TACR2: variants seen among roughly 807,000 people sequenced by gnomAD.
TACR2 encodes the protein tachykinin receptor 2.
TACR2 carries 24 observed loss-of-function variants against 28.9 expected under a neutral mutation model. That is an observed-to-expected ratio of 0.83 (90% CI 0.60 to 1.17). The LOEUF is 1.17. Ranked by LOEUF, TACR2 falls within the 50% of genes most tolerant of loss-of-function variation. TACR2 has a pLI of 0.00. For synonymous variants in TACR2, 222 were observed against 212.6 expected, an observed-to-expected ratio of 1.04 and a Z score of -0.38; for missense variants, 487 against 524.4, an observed-to-expected ratio of 0.93 and a Z score of 0.70.
At chr10:69,410,355 A>T (rs528525215) in intron 2 of TACR2, among the ~76,000 whole-genome samples, 12 of 107,126 alleles carry the variant, frequency 1.1e-4, no homozygotes, top group African/African-American at 1.7e-4. Flanking sequence ...TATCTCTATT[A>T]AAAAAAATTA....
intron 2 of TACR2, among the ~76,000 whole-genome samples, chr10:69,410,552 A>G (rs1239524161): frequency 1.4e-5 from 2 of 147,926 alleles, no homozygotes; most frequent in Non-Finnish European, 3.0e-5. Flanking sequence ...CAGTGTCCCC[A>G]GTTCTCAGAT....
At chr10:69,409,213 T>G (rs1840538564) in intron 2 of TACR2, 138 bp from the exon 3 acceptor site, 4 of 946,668 alleles carry the variant, frequency 4.2e-6, no homozygotes, top group Non-Finnish European at 5.8e-6. Context: ...AGGGACTTGG[T>G]TTGATTTAAA....
chr10:69,409,916 T>TAC (rs1274416019), intron 2 of TACR2, among the ~76,000 whole-genome samples: 1 of 31,546 alleles, frequency 3.2e-5, no homozygotes, highest in African/African-American at 1.4e-4. Context: ...TATATATATA[T>TAC]ATATATATAT....
chr10:69,409,695 C>T (rs922495500), intron 2 of TACR2, among the ~76,000 whole-genome samples: 2 of 151,428 alleles, frequency 1.3e-5, no homozygotes, highest in African/African-American at 4.9e-5. Context: ...CTTACTGTGC[C>T]TAATTTATAA....
At position 69,416,825 on chromosome 10, in the gene TACR2, C is replaced by G. The variant is rs891818600; in HGVS notation, c.-502G>C. On this transcript the variant is annotated 5_prime_UTR_variant, in exon 1 of 5. Transcript: ENST00000373306. Reference sequence around the variant, plus strand: ...CCACAGGTCAATGGCGCAGCAGCCTCTCTCCAGGCTTTGGGCTGCAAGCCG... The same window carrying G: ...CCACAGGTCAATGGCGCAGCAGCCTGTCTCCAGGCTTTGGGCTGCAAGCCG... 1 of 152,928 alleles carries G rather than the reference C, an allele frequency of 6.5e-6. No homozygotes were observed. The highest frequency in any genetic ancestry group is 1.5e-5 in the Non-Finnish European group (1 of 68,584). 9.5% of individuals were successfully genotyped at this position (152,928 alleles called of 1,614,324 possible).
At position 69,415,089 on chromosome 10, in the gene TACR2, G is replaced by A; in HGVS notation, c.443C>T (p.Thr148Ile). Reference protein sequence around the residue: ...PFQPRLSAPSTKAVIAGIWLV... With the variant: ...PFQPRLSAPSIKAVIAGIWLV... ...CCAGATGCCAGCAATAACCGCCTTGGTGCTGGGAGCTGAAAGCCGAGGCTG... is the reference window on the plus strand; with the variant it reads ...CCAGATGCCAGCAATAACCGCCTTGATGCTGGGAGCTGAAAGCCGAGGCTG... The change falls in exon 2 of 5, where the codon ACC (threonine) becomes ATC (isoleucine). Residue 148 changes from threonine (T) to isoleucine (I), a missense_variant. Thr to Ile is a moderately conservative substitution (Grantham distance 89). Coordinates refer to ENST00000373306, the MANE Select transcript of TACR2 (RefSeq NM_001057.3). 6.2e-7 allele frequency: 1 copy of A among 1,613,282 alleles called. No homozygotes were observed. Among genetic ancestry groups the A allele is most frequent in the Non-Finnish European group, 8.5e-7 (1 of 1,180,008 alleles).
chr10:69,409,900 T>TATATAA (rs1554827793), intron 2 of TACR2, among the ~76,000 whole-genome samples: 1 of 12,006 alleles, frequency 8.3e-5, no homozygotes, highest in Non-Finnish European at 1.5e-4. Flanking sequence ...CATATATATA[T>TATATAA]ATACATATAT....
At chr10:69,413,291 C>T (rs1473980707) in intron 2 of TACR2, among the ~76,000 whole-genome samples, 7 of 152,316 alleles carry the variant, frequency 4.6e-5, no homozygotes, top group Non-Finnish European at 5.9e-5. Flanking sequence ...CAAATCCTTT[C>T]GGAATTTTAA....
intron 2 of TACR2, among the ~76,000 whole-genome samples, chr10:69,413,303 C>G (rs1840583961): frequency 6.6e-6 from 1 of 152,174 alleles, no homozygotes; most frequent in Non-Finnish European, 1.5e-5. Flanking sequence ...GAATTTTAAG[C>G]AACACCAAAG....
At chr10:69,415,561 G>T (rs375102675) in intron 1 of TACR2, among the ~76,000 whole-genome samples, 2 of 148,974 alleles carry the variant, frequency 1.3e-5, no homozygotes, top group South Asian at 4.2e-4. Flanking sequence ...TAATCTATCC[G>T]GAATAATAAA....
At chr10:69,405,329 T>A (rs1397006018) in intron 4 of TACR2, among the ~76,000 whole-genome samples, 1 of 152,168 alleles carries the variant, frequency 6.6e-6, no homozygotes, top group African/African-American at 2.4e-5. Flanking sequence ...ATTTAGGTCA[T>A]CTGTTATTAC....
At chr10:69,406,868 G>A (rs1475906555) in intron 4 of TACR2, among the ~76,000 whole-genome samples, 2 of 152,230 alleles carry the variant, frequency 1.3e-5, no homozygotes, top group Non-Finnish European at 2.9e-5. Flanking sequence ...AGACGGTGAG[G>A]ATTTGGGGAG....
Position 69,404,827 on chromosome 10 carries a change from C to A in TACR2, c.1196G>T (p.Ter399LeuextTer9). ...LAPTKTHVEI[*>L] is the part of the protein sequence containing the mutation. The stretch of plus-strand genomic sequence containing the variant: ...CCTCCCAACACTGCCACATTGGGAT[C>A]AAATTTCAACATGAGTTTTGGTGGG... The change falls in exon 5 of 5, where the codon TGA (stop) becomes TTA (leucine). Residue 399 changes from the stop codon to leucine, a stop_lost. Transcript: ENST00000373306. 6.6e-7 allele frequency: 1 copy of A among 1,517,590 alleles called. No individual in the cohort carries two copies. The highest frequency in any genetic ancestry group is 1.3e-5 in the South Asian group (1 of 79,304). The allele number at this position is 1,517,590 out of a possible 1,614,324, so 94.0% of individuals were successfully genotyped here. A position where few individuals can be genotyped will look rare whatever the true frequency, so the allele number is the denominator to read the frequency against.
At position 69,416,007 on chromosome 10, in the gene TACR2, C is replaced by G. The variant is rs1483003658; in HGVS notation, c.317G>C (p.Cys106Ser). ...GATGGGGAAGAGGTTCTGGAAGTAG[C>G]AGAAGGCACGGCCAAAGTACCAGAT... ...HNIWYFGRAF[C>S]YFQNLFPITA... The change falls in exon 1 of 5, where the codon TGC (cysteine) becomes TCC (serine). Residue 106 changes from cysteine to serine, a missense_variant. Cys to Ser is a moderately radical substitution (Grantham distance 112, BLOSUM62 -1). Coordinates refer to ENST00000373306, the MANE Select transcript of TACR2 (RefSeq NM_001057.3). The G allele has an allele frequency of 1.2e-6, 2 of 1,614,198 alleles. No homozygotes were observed. The highest frequency in any genetic ancestry group is 1.7e-6 in the Non-Finnish European group (2 of 1,180,016).
Position 69,414,985 on chromosome 10 carries a change from C to T in TACR2, c.547G>A (p.Val183Met). Reference sequence around the variant, plus strand: ...CCCCCGCTGTCTTCGGGCCAGGCCACCACGCACTTGGTGGCACCCTGGTCC... The same window carrying T: ...CCCCCGCTGTCTTCGGGCCAGGCCATCACGCACTTGGTGGCACCCTGGTCC... ...TMDQGATKCV[V>M]AWPEDSGGKT... The change falls in exon 2 of 5, where the codon GTG (valine) becomes ATG (methionine). Residue 183 changes from valine (V) to methionine (M), a missense_variant. Coordinates refer to ENST00000373306, the MANE Select transcript of TACR2 (RefSeq NM_001057.3). 6.2e-7 allele frequency: 1 copy of T among 1,613,684 alleles called. No homozygotes were observed. Among genetic ancestry groups the T allele is most frequent in the Non-Finnish European group, 8.5e-7 (1 of 1,179,932 alleles).
chr10:69,413,224 A>G (rs2133010618), intron 2 of TACR2, among the ~76,000 whole-genome samples: 1 of 152,218 alleles, frequency 6.6e-6, no homozygotes, highest in South Asian at 2.1e-4. Flanking sequence ...ATCCTAAATT[A>G]GGCTCTCCCC....
chr10:69,414,207 T>C (rs1039076685), intron 2 of TACR2, among the ~76,000 whole-genome samples: 1 of 152,120 alleles, frequency 6.6e-6, no homozygotes, highest in Non-Finnish European at 1.5e-5. Context: ...AACCCTGCCC[T>C]CCCTGCCTCC....
chr10:69,405,270 CAG>C lies in TACR2; in HGVS notation c.939-188_939-187del, dbSNP rs145598790. ...GGTGAGTTTGATTTTTGGAAACTGC[CAG>C]AGTGTTCTGGAGCTGGGTCTAGTGA... On this transcript the variant is annotated intron_variant, in intron 4 of 4. Coordinates refer to ENST00000373306, the MANE Select transcript of TACR2 (RefSeq NM_001057.3). 8.8e-3 allele frequency among the ~76,000 whole-genome samples: 1,338 copies of C among 152,248 alleles called. 24 individuals carry two copies. The highest frequency in any genetic ancestry group is 0.031 in the African/African-American group (1,274 of 41,534).
At chr10:69,409,098 G>A in intron 2 of TACR2, 23 bp from the exon 3 acceptor site, 1 of 1,558,138 alleles carries the variant, frequency 6.4e-7, no homozygotes, top group Admixed American at 1.9e-5. Context: ...CCGAGGCCTG[G>A]GCAGCGGAGG....
Sources: allele counts gnomAD v4.1 joint callset (sites outside exome capture counted in the v4.1 genomes callset), GRCh38; gene constraint gnomAD v4.1.1; transcripts MANE v1.5; gene names NCBI Gene and HGNC (gene_info 2026-07-23, HGNC 2026-07-21).